Variants in VPS13A observed in about 807,000 individuals in gnomAD.
The protein encoded by VPS13A is vacuolar protein sorting 13 homolog A.
VPS13A carries 264 observed loss-of-function variants against 390.9 expected under a neutral mutation model. The ratio of observed to expected loss-of-function variants is 0.68; its 90% CI spans 0.61 to 0.75. The LOEUF is 0.75. Ranked by LOEUF, VPS13A falls within the 30% of genes least tolerant of loss-of-function variation. VPS13A has a pLI of 0.00. For synonymous variants in VPS13A, 1,231 were observed against 1,227.1 expected (o/e 1.00, Z -0.07); for missense variants, 3,409 against 3,733.9 (o/e 0.91, Z 2.27).
rs1307760670 is a variant in VPS13A at position 77,360,649 on chromosome 9, TTAAAA to T, written c.8211+12_8211+16del. ...GTGACTGAAAATACAGAGGTAAGAC[TTAAAA>T]TAATAACATTTGATGGAAAGGATTA... On this transcript the variant is annotated intron_variant, in intron 59 of 71. Coordinates refer to ENST00000360280, the MANE Select transcript of VPS13A (RefSeq NM_033305.3). 2 of 1,575,098 alleles carry T rather than the reference TTAAAA, an allele frequency of 1.3e-6. No individual in the cohort carries two copies. Among genetic ancestry groups the T allele is most frequent in the Non-Finnish European group, 1.7e-6 (2 of 1,145,528 alleles).
At chr9:77,348,631 AAAAG>A (rs1460446017) in intron 52 of VPS13A, among the ~76,000 whole-genome samples, 1 of 152,172 alleles carries the variant, frequency 6.6e-6, no homozygotes, top group Non-Finnish European at 1.5e-5. Context: ...AGGAAAAAAA[AAAAG>A]AAAAATGCCA....
chr9:77,410,073 C>G (rs550319180), intron 71 of VPS13A, among the ~76,000 whole-genome samples: 1 of 152,124 alleles, frequency 6.6e-6, no homozygotes, highest in African/African-American at 2.4e-5. Flanking sequence ...CAAAGGGAAG[C>G]CCATCAGACT....
chr9:77,382,584 G>A, intron 68 of VPS13A: 1 of 1,105,364 alleles, frequency 9.0e-7, no homozygotes, highest in Non-Finnish European at 1.1e-6. Flanking sequence ...TAAACCACTG[G>A]TAGCTTTTAT....
chr9:77,398,375 T>G (rs1304871346), intron 68 of VPS13A, among the ~76,000 whole-genome samples: 5 of 152,132 alleles, frequency 3.3e-5, no homozygotes, highest in Non-Finnish European at 7.4e-5. Context: ...AGCAAGTCAC[T>G]TAGATGTACT....
At chr9:77,204,471 A>ATTAT (rs1375792693) in intron 3 of VPS13A, among the ~76,000 whole-genome samples, 1 of 152,076 alleles carries the variant, frequency 6.6e-6, no homozygotes, top group Admixed American at 6.6e-5. Context: ...AGAATATTTT[A>ATTAT]TTATTACTTT....
At chr9:77,228,681 A>G (rs1823657396) in intron 17 of VPS13A, among the ~76,000 whole-genome samples, 1 of 152,182 alleles carries the variant, frequency 6.6e-6, no homozygotes, top group African/African-American at 2.4e-5. Context: ...ACGAAGCTGT[A>G]CAACCACCAG....
intron 33 of VPS13A, among the ~76,000 whole-genome samples, 178 bp downstream of exon 33, chr9:77,296,024 A>C (rs1827977504): frequency 6.6e-6 from 1 of 152,222 alleles, no homozygotes; most frequent in Non-Finnish European, 1.5e-5. Context: ...TTTGCATTTT[A>C]AAAAACCTAG....
At chr9:77,210,209 TCTC>T (rs1278647726) in intron 6 of VPS13A, among the ~76,000 whole-genome samples, 6 of 127,704 alleles carry the variant, frequency 4.7e-5, no homozygotes, top group Non-Finnish European at 8.2e-5. Flanking sequence ...TTCTTTCTCT[TCTC>T]CTCTTCTCTC....
chr9:77,355,113 C>A (rs751317923), intron 54 of VPS13A, among the ~76,000 whole-genome samples: 1 of 152,146 alleles, frequency 6.6e-6, no homozygotes, highest in Non-Finnish European at 1.5e-5. Flanking sequence ...GCATTTATAA[C>A]CAAACACCTC....
At chr9:77,318,678 T>C in intron 41 of VPS13A, 87 bp downstream of exon 41, 2 of 1,260,504 alleles carry the variant, frequency 1.6e-6, no homozygotes. Context: ...TATTATGGAA[T>C]CTTGTGTAGC....
intron 1 of VPS13A, among the ~76,000 whole-genome samples, chr9:77,195,329 T>A (rs1047343564): frequency 5.9e-5 from 9 of 152,182 alleles, no homozygotes; most frequent in Non-Finnish European, 1.2e-4. Flanking sequence ...TTTCACCATG[T>A]TAGCCAGGAT....
intron 68 of VPS13A, among the ~76,000 whole-genome samples, chr9:77,395,470 A>T (rs910652539): frequency 2.0e-5 from 3 of 151,958 alleles, no homozygotes; most frequent in Non-Finnish European, 4.4e-5. Flanking sequence ...TAATAATGAT[A>T]AAAAAAGTTT....
chr9:77,190,955 CCTCT>C (rs1184087616), intron 1 of VPS13A, among the ~76,000 whole-genome samples: 11 of 151,638 alleles, frequency 7.3e-5, no homozygotes, highest in African/African-American at 2.7e-4. Flanking sequence ...ATTTGGATCT[CCTCT>C]CTCTCTTTTT....
At chr9:77,341,410 A>C (rs1224868590) in intron 50 of VPS13A, among the ~76,000 whole-genome samples, 1 of 152,174 alleles carries the variant, frequency 6.6e-6, no homozygotes, top group African/African-American at 2.4e-5. Context: ...TTCTGCAGTC[A>C]CACTGCTATA....
Position 77,283,491 on chromosome 9 carries a change from A to G in VPS13A, c.3235+20A>G. On this transcript the variant is annotated intron_variant, in intron 30 of 71. Coordinates refer to ENST00000360280, the MANE Select transcript of VPS13A (RefSeq NM_033305.3). ...TTGAAGGTAATAAAATTTCACAAAA[A>G]GCAAATTAAAAGACATTAAATGAAA... is the stretch of plus-strand genomic sequence containing the variant. 6.2e-7 allele frequency: 1 copy of G among 1,606,098 alleles called. No homozygotes were observed.
intron 31 of VPS13A, among the ~76,000 whole-genome samples, chr9:77,292,679 T>A (rs548241988): frequency 6.6e-6 from 1 of 152,226 alleles, no homozygotes. Flanking sequence ...TGCTTGCTTC[T>A]AGCATTTAGG....
intron 45 of VPS13A, among the ~76,000 whole-genome samples, chr9:77,329,433 T>G (rs894316570): frequency 3.3e-5 from 5 of 152,216 alleles, no homozygotes; most frequent in African/African-American, 1.2e-4. Context: ...GTGCCTCTTC[T>G]TTTTATTTGA....
Position 77,323,100 on chromosome 9 carries a change from C to T in VPS13A, c.5864C>T (p.Pro1955Leu), listed in dbSNP as rs549525394. The change falls in exon 45 of 72, where the codon CCT (proline) becomes CTT (leucine). Residue 1955 changes from proline to leucine, a missense_variant. Around this residue, in one of 5 missense-constraint regions of VPS13A, gnomAD observed 2,717 missense variants for 2,917.4 expected, o/e 0.93. Coordinates refer to ENST00000360280, the MANE Select transcript of VPS13A (RefSeq NM_033305.3). Reference protein sequence around the residue: ...PVNHSTADKIPLTKVGRRLYT... With the variant: ...PVNHSTADKILLTKVGRRLYT... Reference sequence around the variant, plus strand: ...AACCATTCTACTGCTGATAAGATTCCTTTAACAAAAGTGGGACGACGTCTG... The same window carrying T: ...AACCATTCTACTGCTGATAAGATTCTTTTAACAAAAGTGGGACGACGTCTG... 6.2e-7 allele frequency: 1 copy of T among 1,612,882 alleles called. No homozygotes were observed. The highest frequency in any genetic ancestry group is 2.2e-5 in the East Asian group (1 of 44,828).
intron 58 of VPS13A, among the ~76,000 whole-genome samples, chr9:77,360,283 C>T (rs1832069455): frequency 6.6e-6 from 1 of 152,024 alleles, no homozygotes; most frequent in Non-Finnish European, 1.5e-5. Flanking sequence ...TATTCATTAT[C>T]ACTAATATAT....
Sources: allele counts gnomAD v4.1 joint callset (sites outside exome capture counted in the v4.1 genomes callset), GRCh38; gene constraint gnomAD v4.1.1; regional missense constraint gnomAD v4.1.1; transcripts MANE v1.5; gene names NCBI Gene and HGNC (gene_info 2026-07-23, HGNC 2026-07-21).